Variants in LIN7A observed in about 807,000 individuals in gnomAD.
LIN7A encodes lin-7 cell polarity scaffold A, also known as protein lin-7 homolog A.
Under a neutral mutation model 29.8 loss-of-function variants are expected in LIN7A, and 25 were observed. The observed-to-expected ratio is 0.84, with a 90% CI of 0.61 to 1.17. The LOEUF is 1.17. Among genes scored for constraint, LIN7A ranks in the 50% most tolerant of loss-of-function variants. The pLI is 0.00. For synonymous variants in LIN7A, 118 were observed against 107.5 expected (o/e 1.10, Z -0.60); for missense variants, 239 against 287.0 (o/e 0.83, Z 1.21).
chr12:80,797,737 A>G lies in LIN7A; in HGVS notation c.*1-11T>C, dbSNP rs1870521820. ...CTTTCCCTCAAGGGCCTGAAAGAGA[A>G]AAAGAGTGAAGAGAAATCAGTGATT... is the stretch of plus-strand genomic sequence containing the variant. On this transcript the variant is annotated splice_polypyrimidine_tract_variant and intron_variant, in intron 5 of 5. Transcript: ENST00000552864. The G allele has an allele frequency of 1.3e-5, 2 of 152,790 alleles. No individual in the cohort carries two copies. Among genetic ancestry groups the G allele is most frequent in the African/African-American group, 4.8e-5 (2 of 41,586 alleles). 9.5% of individuals were successfully genotyped at this position (152,790 alleles called of 1,614,324 possible).
intron 4 of LIN7A, among the ~76,000 whole-genome samples, chr12:80,815,339 GA>G (rs948493800): frequency 6.6e-6 from 1 of 152,242 alleles, no homozygotes; most frequent in Admixed American, 6.5e-5. Flanking sequence ...TGAATAAAAA[GA>G]AGCCAAAAGA....
At chr12:80,846,086 T>G in intron 3 of LIN7A, 147 bp from the exon 4 acceptor site, 1 of 681,310 alleles carries the variant, frequency 1.5e-6, no homozygotes, top group Non-Finnish European at 2.2e-6. Context: ...AGCAGAGGAC[T>G]TTCTTCATTT....
At chr12:80,867,409 C>T (rs368082872) in intron 2 of LIN7A, among the ~76,000 whole-genome samples, 3 of 152,112 alleles carry the variant, frequency 2.0e-5, no homozygotes, top group East Asian at 1.9e-4. Flanking sequence ...CCCACCTAGC[C>T]GAGGATAGAG....
chr12:80,835,381 C>G (rs1051843255), intron 4 of LIN7A, among the ~76,000 whole-genome samples: 1 of 152,020 alleles, frequency 6.6e-6, no homozygotes, highest in East Asian at 1.9e-4. Context: ...TTACATCAGT[C>G]CTGCAGATAT....
At chr12:80,810,755 A>T (rs538443130) in intron 5 of LIN7A, among the ~76,000 whole-genome samples, 2 of 152,284 alleles carry the variant, frequency 1.3e-5, no homozygotes, top group East Asian at 3.9e-4. Flanking sequence ...AGCACTTGTT[A>T]TCTTTCCTCT....
At position 80,811,469 on chromosome 12, in the gene LIN7A, G is replaced by C; in HGVS notation, c.698C>G (p.Ser233Ter). ...ATAGAATAAGTCACTTCTCACCTAT[G>C]ACATGTGGTTTTGTTGTGTTTGTTG... ...QQQQTQQNHM[S>*] Residue 233 changes from serine to a stop codon, truncating the protein, a stop_gained, in exon 5 of 6, where the codon TCA becomes TGA. Coordinates refer to ENST00000552864, the MANE Select transcript of LIN7A (RefSeq NM_004664.4). LOFTEE classifies it high-confidence loss of function. 1 of 1,275,950 alleles carries C rather than the reference G, an allele frequency of 7.8e-7. No homozygotes were observed. The highest frequency in any genetic ancestry group is 1.1e-6 in the Non-Finnish European group (1 of 898,178). 79.0% of individuals were successfully genotyped at this position (1,275,950 alleles called of 1,614,324 possible). A position where few individuals can be genotyped will look rare whatever the true frequency, so the allele number is the denominator to read the frequency against.
intron 2 of LIN7A, among the ~76,000 whole-genome samples, chr12:80,880,307 C>A (rs1019266523): frequency 6.6e-6 from 1 of 151,996 alleles, no homozygotes; most frequent in South Asian, 2.1e-4. Flanking sequence ...CATGAATAAA[C>A]CTCTCTTGTC....
intron 5 of LIN7A, among the ~76,000 whole-genome samples, chr12:80,802,611 C>T (rs1388898772): frequency 1.3e-5 from 2 of 152,076 alleles, no homozygotes; most frequent in Non-Finnish European, 2.9e-5. Flanking sequence ...TCCTCTTACT[C>T]CATACGTTTG....
intron 2 of LIN7A, among the ~76,000 whole-genome samples, chr12:80,862,759 A>C (rs1191457507): frequency 6.6e-6 from 1 of 152,220 alleles, no homozygotes; most frequent in African/African-American, 2.4e-5. Flanking sequence ...GATGGCAAAA[A>C]GCCCACTTCA....
At chr12:80,897,589 T>C (rs1875974523) in intron 1 of LIN7A, among the ~76,000 whole-genome samples, 1 of 152,048 alleles carries the variant, frequency 6.6e-6, no homozygotes, top group African/African-American at 2.4e-5. Context: ...GTGGATCACT[T>C]GAGCCCAGGA....
At chr12:80,872,391 T>C (rs1874467169) in intron 2 of LIN7A, among the ~76,000 whole-genome samples, 1 of 152,174 alleles carries the variant, frequency 6.6e-6, no homozygotes. Flanking sequence ...AATAATTGCT[T>C]ATGCTTGACA....
At chr12:80,922,406 A>C (rs1399437687) in intron 1 of LIN7A, among the ~76,000 whole-genome samples, 1 of 152,200 alleles carries the variant, frequency 6.6e-6, no homozygotes, top group African/African-American at 2.4e-5. Context: ...AAAGACTATC[A>C]GGAAAGAAGA....
intron 2 of LIN7A, among the ~76,000 whole-genome samples, chr12:80,852,949 C>T (rs1434433056): frequency 3.3e-5 from 5 of 152,144 alleles, no homozygotes; most frequent in African/African-American, 7.2e-5. Context: ...CTGTCTTCTA[C>T]TTCTTGTCTT....
At chr12:80,883,722 G>A (rs1476401895) in intron 2 of LIN7A, among the ~76,000 whole-genome samples, 2 of 152,182 alleles carry the variant, frequency 1.3e-5, no homozygotes, top group Non-Finnish European at 2.9e-5. Flanking sequence ...GGTGGTATTA[G>A]TCCATTATTT....
At chr12:80,913,473 T>C (rs1357229568) in intron 1 of LIN7A, among the ~76,000 whole-genome samples, 1 of 152,138 alleles carries the variant, frequency 6.6e-6, no homozygotes, top group Non-Finnish European at 1.5e-5. Context: ...TCTGAGAATG[T>C]GGAGACGAGG....
chr12:80,892,866 T>A (rs1252589133), intron 1 of LIN7A, among the ~76,000 whole-genome samples: 1 of 152,152 alleles, frequency 6.6e-6, no homozygotes, highest in East Asian at 1.9e-4. Context: ...AAATCCCCTG[T>A]GTGATTCTAA....
intron 4 of LIN7A, among the ~76,000 whole-genome samples, chr12:80,813,203 G>C (rs1268526681): frequency 6.6e-6 from 1 of 152,112 alleles, no homozygotes; most frequent in African/African-American, 2.4e-5. Context: ...AGTAAAGACA[G>C]GGTTTCACCA....
intron 1 of LIN7A, among the ~76,000 whole-genome samples, chr12:80,919,266 T>C (rs151029079): frequency 1.6e-3 from 243 of 152,298 alleles, no homozygotes; most frequent in African/African-American, 5.6e-3. Flanking sequence ...TAACTTATAG[T>C]TCATATTGTA....
At chr12:80,888,210 T>A (rs1226680157) in intron 2 of LIN7A, among the ~76,000 whole-genome samples, 2 of 152,140 alleles carry the variant, frequency 1.3e-5, no homozygotes, top group African/African-American at 2.4e-5. Flanking sequence ...TGATAAATAT[T>A]TAGCACAAGC....
Sources: gnomAD v4.1 joint callset for allele counts (sites outside exome capture counted in the v4.1 genomes callset) on GRCh38, gnomAD v4.1.1 for gene constraint, MANE v1.5 for transcripts, NCBI Gene and HGNC (gene_info 2026-07-23, HGNC 2026-07-21) for gene names.